PALLD: variants seen among roughly 807,000 people sequenced by gnomAD.
PALLD encodes palladin.
Under a neutral mutation model 123.5 loss-of-function variants are expected in PALLD, and 61 were observed. The observed-to-expected ratio is 0.49, with a 90% CI of 0.40 to 0.61. The LOEUF (loss-of-function observed/expected upper bound fraction) is 0.61. Among genes scored for constraint, PALLD ranks in the 20% least tolerant of loss-of-function variants. The pLI is 0.00. For synonymous variants in PALLD, 465 were observed against 496.4 expected (o/e 0.94, Z 0.84); for missense variants, 1,273 against 1,377.0 (o/e 0.92, Z 1.20).
chr4:168,872,364 A>G (rs1751197833), intron 10 of PALLD, among the ~76,000 whole-genome samples: 1 of 152,174 alleles, frequency 6.6e-6, no homozygotes. Flanking sequence ...CCTCCTCCAT[A>G]ATTGTGTTCA....
chr4:168,818,161 T>C (rs1742236179), intron 10 of PALLD, among the ~76,000 whole-genome samples: 1 of 152,234 alleles, frequency 6.6e-6, no homozygotes, highest in African/African-American at 2.4e-5. Flanking sequence ...GACAAAATGT[T>C]TATTATCACA....
At chr4:168,548,477 G>T (rs56951138) in intron 2 of PALLD, among the ~76,000 whole-genome samples, 1 of 152,078 alleles carries the variant, frequency 6.6e-6, no homozygotes, top group African/African-American at 2.4e-5. Context: ...TGAAGACAAA[G>T]TTCTTCCCAA....
Position 168,698,860 on chromosome 4 carries a change from CAT to C in PALLD, c.1501+7570_1501+7571del, listed in dbSNP as rs74377468. ...AGGATACATACATATATGGTAAACA[CAT>C]AAAGAAAATCGAAGGAATTATTATC... On this transcript the variant is annotated intron_variant, in intron 8 of 21. Coordinates refer to ENST00000505667, the MANE Select transcript of PALLD (RefSeq NM_001166108.2). 0.019 allele frequency among the ~76,000 whole-genome samples: 2,862 copies of C among 151,932 alleles called. 255 individuals are homozygous for C. In the East Asian group the frequency reaches 0.3, roughly 16 times the overall value.
chr4:168,726,574 G>T (rs1178441279), intron 10 of PALLD, among the ~76,000 whole-genome samples: 1 of 151,678 alleles, frequency 6.6e-6, no homozygotes, highest in Non-Finnish European at 1.5e-5. Context: ...GTAGAGACAG[G>T]GTCTTGCTTT....
chr4:168,827,877 T>C (rs1743631249), intron 10 of PALLD, among the ~76,000 whole-genome samples: 1 of 152,214 alleles, frequency 6.6e-6, no homozygotes, highest in Admixed American at 6.5e-5. Context: ...CTGTCTCTAT[T>C]TAAAATACAA....
intron 2 of PALLD, among the ~76,000 whole-genome samples, chr4:168,591,929 TG>T (rs1771474886): frequency 6.6e-6 from 1 of 152,044 alleles, no homozygotes; most frequent in African/African-American, 2.4e-5. Flanking sequence ...AAAAGTCACT[TG>T]GGTATTTGAG....
intron 17 of PALLD, among the ~76,000 whole-genome samples, chr4:168,918,336 A>G (rs1263744616): frequency 6.6e-6 from 1 of 151,392 alleles, no homozygotes; most frequent in African/African-American, 2.4e-5. Flanking sequence ...ATATATATAT[A>G]TATACATACA....
At chr4:168,666,029 A>G (rs1374336816) in intron 2 of PALLD, among the ~76,000 whole-genome samples, 3 of 152,178 alleles carry the variant, frequency 2.0e-5, no homozygotes, top group African/African-American at 4.8e-5. Context: ...TTTATGTCAC[A>G]AAATACTCTT....
chr4:168,668,233 C>A lies in PALLD; in HGVS notation c.952C>A (p.Gln318Lys), dbSNP rs754418015. ...GKELHNTPDI[Q>K]IHCEGGDLHT... is the part of the protein sequence containing the mutation. ...AGAACTGCACAACACTCCTGATATTCAAATCCACTGTGAGGGAGGGGACCT... is the reference window on the plus strand; with the variant it reads ...AGAACTGCACAACACTCCTGATATTAAAATCCACTGTGAGGGAGGGGACCT... The change falls in exon 3 of 22, where the codon CAA becomes AAA. Residue 318 changes from glutamine (Q) to lysine (K), a missense_variant. Transcript: ENST00000505667. The A allele has an allele frequency of 1.9e-6, 3 of 1,614,046 alleles. No homozygotes were observed. The highest frequency in any genetic ancestry group is 2.5e-6 in the Non-Finnish European group (3 of 1,180,004).
chr4:168,543,092 A>G, intron 2 of PALLD, among the ~76,000 whole-genome samples: 1 of 152,106 alleles, frequency 6.6e-6, no homozygotes, highest in East Asian at 1.9e-4. Flanking sequence ...AAAGTATAGC[A>G]CAGTAATTAA....
chr4:168,517,623 A>G (rs554102097), intron 2 of PALLD, among the ~76,000 whole-genome samples: 3 of 152,270 alleles, frequency 2.0e-5, no homozygotes, highest in Non-Finnish European at 4.4e-5. Context: ...ACAAGCCATG[A>G]ATTTACTTTT....
intron 10 of PALLD, among the ~76,000 whole-genome samples, chr4:168,850,161 T>C (rs1018205279): frequency 1.3e-5 from 2 of 152,134 alleles, no homozygotes; most frequent in Non-Finnish European, 2.9e-5. Flanking sequence ...GGTCCTGAAA[T>C]GTAAGTGATC....
At chr4:168,514,379 AT>A (rs548855271) in intron 2 of PALLD, among the ~76,000 whole-genome samples, 164 of 152,136 alleles carry the variant, frequency 1.1e-3, no homozygotes, top group African/African-American at 3.6e-3. Context: ...CAGGTGGGCG[AT>A]TTTTTTCCCC....
chr4:168,766,541 T>C (rs1733682174), intron 10 of PALLD, among the ~76,000 whole-genome samples: 1 of 152,208 alleles, frequency 6.6e-6, no homozygotes. Context: ...TTGTCCAGCC[T>C]GTGAATGGAC....
At chr4:168,756,808 T>C (rs1047036398) in intron 10 of PALLD, among the ~76,000 whole-genome samples, 1 of 152,178 alleles carries the variant, frequency 6.6e-6, no homozygotes, top group African/African-American at 2.4e-5. Context: ...GGAGAAATTG[T>C]GTTTAAGGCC....
intron 8 of PALLD, among the ~76,000 whole-genome samples, chr4:168,702,286 C>T (rs936129567): frequency 2.0e-4 from 30 of 152,176 alleles, no homozygotes; most frequent in Admixed American, 2.0e-3. Flanking sequence ...TGTAGTGGCT[C>T]ACTCCTGTAA....
chr4:168,924,211 C>G (rs1296459108), intron 18 of PALLD, 44 bp from the exon 19 acceptor site: 1 of 1,560,862 alleles, frequency 6.4e-7, no homozygotes, highest in East Asian at 2.2e-5. Flanking sequence ...TCTAGTGCTC[C>G]TTTTGTATAT....
intron 10 of PALLD, among the ~76,000 whole-genome samples, chr4:168,814,770 C>CTGTT (rs1275565566): frequency 6.6e-6 from 1 of 152,042 alleles, no homozygotes; most frequent in Non-Finnish European, 1.5e-5. Context: ...TTAATCTTTT[C>CTGTT]TGTTTGTTTG....
intron 10 of PALLD, among the ~76,000 whole-genome samples, chr4:168,800,651 G>A (rs1017440076): frequency 1.3e-5 from 2 of 152,162 alleles, no homozygotes; most frequent in Admixed American, 6.5e-5. Flanking sequence ...TTCATATACT[G>A]CCAGTGGGAG....
Sources: allele counts gnomAD v4.1 joint callset (sites outside exome capture counted in the v4.1 genomes callset), GRCh38; gene constraint gnomAD v4.1.1; transcripts MANE v1.5; gene names NCBI Gene and HGNC (gene_info 2026-07-23, HGNC 2026-07-21).